Variants in SHARPIN observed in about 807,000 individuals in gnomAD.
SHARPIN encodes the protein hSIPL1.
Under a neutral mutation model 40.3 loss-of-function variants are expected in SHARPIN, and 25 were observed. The observed-to-expected ratio is 0.62, with a 90% CI of 0.45 to 0.87. SHARPIN has a LOEUF of 0.87. SHARPIN is among the 40% of genes least tolerant of loss of function. SHARPIN has a pLI of 0.00. For missense variants in SHARPIN, 551 were observed against 516.1 expected, an observed-to-expected ratio of 1.07 and a Z score of -0.66; for synonymous variants, 274 against 221.8, an observed-to-expected ratio of 1.24 and a Z score of -2.09.
intron 1 of SHARPIN, 148 bp from the exon 2 acceptor site, chr8:144,103,373 G>A (rs1587614646): frequency 4.8e-6 from 5 of 1,039,052 alleles, no homozygotes; most frequent in Non-Finnish European, 6.9e-6. Flanking sequence ...GCCCTGTAAA[G>A]TAGGTCCAGG....
rs200698932 is a variant in SHARPIN, at chr8:144,099,919, C to G, written c.517+10G>C. 1.3e-5 allele frequency: 21 copies of G among 1,609,682 alleles called. No homozygotes were observed. Among genetic ancestry groups the G allele is most frequent in the African/African-American group, 1.2e-4 (9 of 74,890 alleles). ...CCCCGAACCCCCCAACCCCCTCCCC[C>G]CACCTGTACCTCTCTCCGTCAAGTT... On this transcript the variant is annotated intron_variant, in intron 3 of 8. Transcript: ENST00000398712.
chr8:144,101,220 CTACAG>C (rs1462914738), intron 2 of SHARPIN, among the ~76,000 whole-genome samples: 5 of 151,680 alleles, frequency 3.3e-5, no homozygotes, highest in East Asian at 1.9e-4. Flanking sequence ...TTAAAAAACT[CTACAG>C]TAATTTTATT....
chr8:144,102,043 G>C (rs1414641131), intron 2 of SHARPIN, among the ~76,000 whole-genome samples: 2 of 152,112 alleles, frequency 1.3e-5, no homozygotes, highest in Non-Finnish European at 2.9e-5. Context: ...AGTCCTTCAT[G>C]TTTCTCAGTC....
intron 1 of SHARPIN, 126 bp downstream of exon 1, chr8:144,103,427 G>T: frequency 8.6e-7 from 1 of 1,168,588 alleles, no homozygotes; most frequent in Non-Finnish European, 1.2e-6. Flanking sequence ...TCACGGACGA[G>T]AAAACAGAAG....
Position 144,099,818 on chromosome 8 carries a change from C to T in SHARPIN, c.544G>A (p.Ala182Thr), listed in dbSNP as rs1444154104. ...CCCTTCTCGTCTCCACCTGCAATAGCCCGGGCCAGGCTCCCTGCCAGCTCT... is the reference window on the plus strand; with the variant it reads ...CCCTTCTCGTCTCCACCTGCAATAGTCCGGGCCAGGCTCCCTGCCAGCTCT... ...REELAGSLAR[A>T]IAGGDEKGAA... The change falls in exon 4 of 9, where the codon GCT (alanine) becomes ACT (threonine). Residue 182 changes from alanine (A) to threonine (T), a missense_variant. Ala to Thr is a moderately conservative substitution (Grantham distance 58). Coordinates refer to ENST00000398712, the MANE Select transcript of SHARPIN (RefSeq NM_030974.4). The T allele has an allele frequency of 6.2e-7, 1 of 1,612,652 alleles. No individual in the cohort carries two copies.
At chr8:144,103,525 T>TGACCGCGCGCC in intron 1 of SHARPIN, 28 bp downstream of exon 1, 1 of 1,530,024 alleles carries the variant, frequency 6.5e-7, no homozygotes, top group African/African-American at 1.4e-5. Flanking sequence ...CCAAGAGGAC[T>TGACCGCGCGCC]GACCGCGCGC....
chr8:144,099,506 C>T lies in SHARPIN; in HGVS notation c.768+4G>A, dbSNP rs1399842226. On this transcript the variant is annotated splice_donor_region_variant and intron_variant, in intron 5 of 8. Coordinates refer to ENST00000398712, the MANE Select transcript of SHARPIN (RefSeq NM_030974.4). ...TGGCAGGGCTCCCCAGACCCTGTGC[C>T]CACCTGCTCCTGGAGAGCTGCAACA... The T allele has an allele frequency of 6.2e-7, 1 of 1,613,060 alleles. No individual in the cohort carries two copies.
intron 1 of SHARPIN, 50 bp from the exon 2 acceptor site, chr8:144,103,275 C>G: frequency 6.5e-7 from 1 of 1,540,182 alleles, no homozygotes; most frequent in Non-Finnish European, 8.8e-7. Context: ...CCCTACATCG[C>G]ACGAGGAGCA....
chr8:144,102,971 G>A, intron 2 of SHARPIN, 80 bp downstream of exon 2: 3 of 1,562,646 alleles, frequency 1.9e-6, no homozygotes, highest in Non-Finnish European at 2.6e-6. Context: ...CAGTGGGGAA[G>A]GTGGATCCAA....
At chr8:144,102,908 A>C (rs1836317174) in intron 2 of SHARPIN, 143 bp downstream of exon 2, 1 of 989,044 alleles carries the variant, frequency 1.0e-6, no homozygotes, top group Admixed American at 2.0e-5. Flanking sequence ...CAAGTACTCC[A>C]AGCTACTCCA....
Position 144,100,066 on chromosome 8 carries a change from C to T in SHARPIN, c.380G>A (p.Ser127Asn), listed in dbSNP as rs770382059. 6.4e-6 allele frequency: 10 copies of T among 1,572,322 alleles called. No homozygotes were observed. Among genetic ancestry groups the T allele is most frequent in the Non-Finnish European group, 8.6e-6 (10 of 1,159,540 alleles). Residue 127 changes from serine (S) to asparagine (N), a missense_variant, in exon 3 of 9, where the codon AGC becomes AAC. By Grantham distance (46) the Ser-to-Asn change is conservative. Coordinates refer to ENST00000398712, the MANE Select transcript of SHARPIN (RefSeq NM_030974.4). Reference sequence around the variant, plus strand: ...CAAGGCTGGTGGTGAGTTGCTCTTGCTGCCTAGAGGTAAGATATGGGTGTG... The same window carrying T: ...CAAGGCTGGTGGTGAGTTGCTCTTGTTGCCTAGAGGTAAGATATGGGTGTG... ...RGATVEGQNG[S>N]KSNSPPALGP...
At position 144,103,186 on chromosome 8, in the gene SHARPIN, T is replaced by TTA; in HGVS notation, c.240_241insTA (p.Ile81Ter). On this transcript the variant is annotated frameshift_variant, in exon 2 of 9. Transcript: ENST00000398712. LOFTEE classifies it high-confidence loss of function. ...AGCTCGTGCTGGGTGGGGCCTCGGA[T>TTA]GGTGTAGGAAACTGACTCCAGGGGC... 1 of 1,613,262 alleles carries TTA rather than the reference T, an allele frequency of 6.2e-7. No individual in the cohort carries two copies. Among genetic ancestry groups the TTA allele is most frequent in the South Asian group, 1.1e-5 (1 of 91,072 alleles).
In SHARPIN at chr8:144,099,941, A is replaced by G. The variant is rs1564313945; in HGVS notation, c.505T>C (p.Leu169=). The change falls in exon 3 of 9, where the codon TTG becomes CTG. Residue 169 remains leucine (L), a synonymous_variant. Coordinates refer to ENST00000398712, the MANE Select transcript of SHARPIN (RefSeq NM_030974.4). ...EADLPRSPGN[L]TEREELAGSL... Reference sequence around the variant, plus strand: ...CCCCCACCTGTACCTCTCTCCGTCAAGTTTCCAGGGCTCCTAGGAAGATCT... The same window carrying G: ...CCCCCACCTGTACCTCTCTCCGTCAGGTTTCCAGGGCTCCTAGGAAGATCT... 6 of 1,610,468 alleles carry G rather than the reference A, an allele frequency of 3.7e-6. No individual in the cohort carries two copies. The highest frequency in any genetic ancestry group is 1.7e-4 in the Middle Eastern group (1 of 6,010).
chr8:144,103,644 G>A lies in SHARPIN; in HGVS notation c.110C>T (p.Ala37Val), dbSNP rs1245616237. 1.2e-5 allele frequency: 19 copies of A among 1,524,992 alleles called. No homozygotes were observed. The highest frequency in any genetic ancestry group is 1.5e-5 in the Non-Finnish European group (17 of 1,143,012). 94.5% of individuals were successfully genotyped at this position (1,524,992 alleles called of 1,614,324 possible). Residue 37 changes from alanine to valine, a missense_variant, in exon 1 of 9, where the codon GCC becomes GTC. Coordinates refer to ENST00000398712, the MANE Select transcript of SHARPIN (RefSeq NM_030974.4). ...CTGCAGCCTCCGCAGCTGTGCCTCG[G>A]CGTCTGGCCCGGCGCCCAGCGGCCT... Reference protein sequence around the residue: ...AVRPLGAGPDAEAQLRRLQLS... With the variant: ...AVRPLGAGPDVEAQLRRLQLS...
At chr8:144,103,374 T>G in intron 1 of SHARPIN, 149 bp from the exon 2 acceptor site, 9 of 1,042,806 alleles carry the variant, frequency 8.6e-6, no homozygotes, top group Non-Finnish European at 1.2e-5. Context: ...CCCTGTAAAG[T>G]AGGTCCAGGT....
Position 144,103,325 on chromosome 8 carries a change from C to G in SHARPIN, c.202-100G>C, listed in dbSNP as rs145431068. ...AACATTTATAGACCATTTACACGGT[C>G]CTAAGCCCTGTACGCCTATCATCAA... On this transcript the variant is annotated intron_variant, in intron 1 of 8. Transcript: ENST00000398712. 952 of 1,363,548 alleles carry G rather than the reference C, an allele frequency of 7.0e-4. 8 individuals carry two copies. The African/African-American group carries it at 0.012, about 18-fold the overall frequency. The allele number at this position is 1,363,548 out of a possible 1,614,324, so 84.5% of individuals were successfully genotyped here.
chr8:144,103,027 T>C, intron 2 of SHARPIN, 24 bp downstream of exon 2: 2 of 1,612,846 alleles, frequency 1.2e-6, no homozygotes, highest in Non-Finnish European at 1.7e-6. Flanking sequence ...CAAATTGTAA[T>C]TGTATCCATT....
At chr8:144,103,421 G>A in intron 1 of SHARPIN, 132 bp downstream of exon 1, 5 of 1,131,364 alleles carry the variant, frequency 4.4e-6, no homozygotes, top group Non-Finnish European at 6.2e-6. Flanking sequence ...CCCATTTCAC[G>A]GACGAGAAAA....
At chr8:144,100,684 TGGCCCCGGCCCCGGCCCC>T (rs541611117) in intron 2 of SHARPIN, 2 of 154,280 alleles carry the variant, frequency 1.3e-5, no homozygotes, top group African/African-American at 2.4e-5. Flanking sequence ...GCGCTGTTCC[TGGCCCCGGCCCCGGCCCC>T]GGCCCCCACT....
Sources: allele counts gnomAD v4.1 joint callset (sites outside exome capture counted in the v4.1 genomes callset), GRCh38; gene constraint gnomAD v4.1.1; transcripts MANE v1.5; gene names NCBI Gene and HGNC (gene_info 2026-07-23, HGNC 2026-07-21).